The following ZNF626 variants were observed in gnomAD, a reference collection of about 807,000 sequenced individuals.
ZNF626 encodes CTC-513N18.7.
In ZNF626, 4 loss-of-function variants were observed where a neutral mutation model predicts 11.7. The observed-to-expected ratio is 0.34, with a 90% CI of 0.17 to 0.78. The LOEUF is 0.78. ZNF626 is among the 30% of genes least tolerant of loss of function. ZNF626 has a pLI of 0.57. For synonymous variants in ZNF626, 179 were observed against 198.6 expected (o/e 0.90, Z 0.83); for missense variants, 588 against 587.1 (o/e 1.00, Z -0.01).
intron 1 of ZNF626, among the ~76,000 whole-genome samples, chr19:20,648,024 C>T (rs1555772126): frequency 6.6e-6 from 1 of 151,514 alleles, no homozygotes; most frequent in African/African-American, 2.4e-5. Context: ...ATTAAAAATA[C>T]AAAAATTAGC....
Position 20,625,338 on chromosome 19 carries a change from T to C in ZNF626, c.539A>G (p.Lys180Arg). 6.2e-7 allele frequency: 1 copy of C among 1,613,982 alleles called. No individual in the cohort carries two copies. Reference sequence around the variant, plus strand: ...AAGAGTTGAGAACTGCTTAAAAGCTTTGCCACATTCTATATATTTGAAAGG... The same window carrying C: ...AAGAGTTGAGAACTGCTTAAAAGCTCTGCCACATTCTATATATTTGAAAGG... ...KKPFKYIECG[K>R]AFKQFSTLTT... Residue 180 changes from lysine (K) to arginine (R), a missense_variant, in exon 4 of 4, where the codon AAA becomes AGA. Physicochemically the swap from Lys to Arg is conservative, Grantham distance 26. Coordinates refer to ENST00000601440, the MANE Select transcript of ZNF626 (RefSeq NM_001076675.3).
chr19:20,652,500 A>G (rs1187291687), intron 1 of ZNF626, among the ~76,000 whole-genome samples: 2 of 152,210 alleles, frequency 1.3e-5, no homozygotes, highest in African/African-American at 2.4e-5. Context: ...ATTTCTATTT[A>G]TTTACAAAAA....
intron 3 of ZNF626, 53 bp from the exon 4 acceptor site, chr19:20,625,703 T>G (rs1177987970): frequency 2.2e-5 from 33 of 1,479,386 alleles, no homozygotes; most frequent in Non-Finnish European, 2.9e-5. Context: ...CAGATAAATA[T>G]AAATATATAT....
intron 1 of ZNF626, among the ~76,000 whole-genome samples, chr19:20,649,374 C>G (rs575017682): frequency 6.6e-6 from 1 of 152,276 alleles, no homozygotes; most frequent in Non-Finnish European, 1.5e-5. Context: ...AGATGCTCTC[C>G]CCTGCCACGG....
intron 1 of ZNF626, among the ~76,000 whole-genome samples, chr19:20,646,837 C>CTGAT (rs1157371555): frequency 1.3e-5 from 2 of 148,586 alleles, no homozygotes; most frequent in African/African-American, 5.2e-5. Flanking sequence ...GGAATAAAGT[C>CTGAT]TGATTTATTT....
intron 1 of ZNF626, among the ~76,000 whole-genome samples, chr19:20,660,266 AAAT>A (rs1250808352): frequency 0.01 from 1,435 of 141,492 alleles, 10 homozygotes; most frequent in Non-Finnish European, 0.017. Context: ...AAAAAAAAAA[AAAT>A]ACCCTGTTGC....
intron 3 of ZNF626, chr19:20,645,363 A>T: frequency 6.3e-7 from 1 of 1,580,380 alleles, no homozygotes; most frequent in Non-Finnish European, 8.5e-7. Flanking sequence ...GCGTCCCAAA[A>T]ATTATGGAAA....
At chr19:20,651,926 C>CTT (rs572569447) in intron 1 of ZNF626, among the ~76,000 whole-genome samples, 1 of 151,278 alleles carries the variant, frequency 6.6e-6, no homozygotes, top group South Asian at 2.1e-4. Flanking sequence ...TCTTAAGATG[C>CTT]TTTTTTTTTA....
chr19:20,625,742 A>G (rs1969823049), intron 3 of ZNF626, 92 bp from the exon 4 acceptor site: 3 of 1,293,964 alleles, frequency 2.3e-6, no homozygotes, highest in South Asian at 2.0e-5. Flanking sequence ...TATACAAACT[A>G]CATAAGCAAG....
chr19:20,634,540 C>A (rs1260688788), intron 3 of ZNF626, among the ~76,000 whole-genome samples: 2 of 149,812 alleles, frequency 1.3e-5, no homozygotes, highest in Non-Finnish European at 3.0e-5. Flanking sequence ...TGATACAACA[C>A]AGTATTAAGC....
rs143629364 is a variant in ZNF626 at position 20,629,889 on chromosome 19, C to T, written c.227-4239G>A. On this transcript the variant is annotated intron_variant, in intron 3 of 3. Coordinates refer to ENST00000601440, the MANE Select transcript of ZNF626 (RefSeq NM_001076675.3). ...AAAGGACATGCTTCCAGTTTTTGCC[C>T]GTTCAGTATGATATTGGCTGTGGGT... Among the ~76,000 whole-genome samples, 19 of 152,190 alleles carry T rather than the reference C, an allele frequency of 1.2e-4. 1 individual carries two copies. Among genetic ancestry groups the T allele is most frequent in the African/African-American group, 9.6e-5 (4 of 41,518 alleles).
At chr19:20,657,751 G>C (rs1970220470) in intron 1 of ZNF626, among the ~76,000 whole-genome samples, 1 of 152,072 alleles carries the variant, frequency 6.6e-6, no homozygotes, top group Non-Finnish European at 1.5e-5. Context: ...GTTGCGGTGA[G>C]CCGAGGTGGC....
rs182592312 is a variant in ZNF626, at chr19:20,652,263, G to A, written c.4-5858C>T. Among the ~76,000 whole-genome samples, 117 of 150,570 alleles carry A rather than the reference G, an allele frequency of 7.8e-4. 1 individual carries two copies. Among genetic ancestry groups the A allele is most frequent in the Admixed American group, 3.6e-3 (54 of 15,158 alleles). ...ACGAAGGAGAGATCCCCCCCATAGA[G>A]GCTGCTCTAGCACATTCTAAATGAT... On this transcript the variant is annotated intron_variant, in intron 1 of 3. Coordinates refer to ENST00000601440, the MANE Select transcript of ZNF626 (RefSeq NM_001076675.3).
In ZNF626 at chr19:20,620,595, C is replaced by G. The variant is rs1201055619; in HGVS notation, c.*3695G>C. 1 of 152,104 alleles carries G rather than the reference C, an allele frequency of 6.6e-6. No homozygotes were observed. Among genetic ancestry groups the G allele is most frequent in the African/African-American group, 2.4e-5 (1 of 41,410 alleles). The allele number at this position is 152,104 out of a possible 1,614,324, so 9.4% of individuals were successfully genotyped here. A position where few individuals can be genotyped will look rare whatever the true frequency, so the allele number is the denominator to read the frequency against. On this transcript the variant is annotated 3_prime_UTR_variant, in exon 4 of 4. Coordinates refer to ENST00000601440, the MANE Select transcript of ZNF626 (RefSeq NM_001076675.3). ...TTGAGGAGTCTCATCACTCTGTCACCCAGGCTGGAGTGCAGCAGCACAATC... is the reference window on the plus strand; with the variant it reads ...TTGAGGAGTCTCATCACTCTGTCACGCAGGCTGGAGTGCAGCAGCACAATC...
At chr19:20,653,580 G>C (rs1449263625) in intron 1 of ZNF626, among the ~76,000 whole-genome samples, 1 of 147,310 alleles carries the variant, frequency 6.8e-6, no homozygotes, top group Admixed American at 6.9e-5. Context: ...AGTGAGCCCA[G>C]ATAGCACCAC....
At chr19:20,631,530 C>G (rs1229479649) in intron 3 of ZNF626, among the ~76,000 whole-genome samples, 3 of 149,470 alleles carry the variant, frequency 2.0e-5, no homozygotes, top group African/African-American at 7.5e-5. Flanking sequence ...GATCCCTTTA[C>G]CATTATGTAA....
At chr19:20,633,835 C>T (rs1969936875) in intron 3 of ZNF626, among the ~76,000 whole-genome samples, 1 of 152,176 alleles carries the variant, frequency 6.6e-6, no homozygotes, top group Non-Finnish European at 1.5e-5. Flanking sequence ...TGAGATGAAC[C>T]CAGTACCCCA....
At position 20,632,075 on chromosome 19, in the gene ZNF626, C is replaced by T. The variant is rs1229658183; in HGVS notation, c.227-6425G>A. Among the ~76,000 whole-genome samples, 15 of 152,208 alleles carry T rather than the reference C, an allele frequency of 9.9e-5. 1 individual carries two copies. The highest frequency in any genetic ancestry group is 2.4e-4 in the African/African-American group (10 of 41,532). On this transcript the variant is annotated intron_variant, in intron 3 of 3. Transcript: ENST00000601440. ...CTTAGTTTGGCTGGATATGAAATTC[C>T]GGGTTGAAAATTCTTTTCTTTAAAA...
At chr19:20,653,647 AAAAAAGAAAAAGAAAAAAAG>A (rs1204432979) in intron 1 of ZNF626, among the ~76,000 whole-genome samples, 2 of 91,026 alleles carry the variant, frequency 2.2e-5, no homozygotes, top group Non-Finnish European at 3.6e-5. Flanking sequence ...CCAGCAAAAA[AAAAAAGAAAAAGAAAAAAAG>A]AAAAAGAAAG....
Sources: gnomAD v4.1 joint callset for allele counts (sites outside exome capture counted in the v4.1 genomes callset) on GRCh38, gnomAD v4.1.1 for gene constraint, MANE v1.5 for transcripts, NCBI Gene and HGNC (gene_info 2026-07-23, HGNC 2026-07-21) for gene names.